ARHGAP15: variants seen among roughly 807,000 people sequenced by gnomAD.
ARHGAP15 encodes rho GTPase-activating protein 15.
In ARHGAP15, 51 loss-of-function variants were observed where a neutral mutation model predicts 63.7. The observed-to-expected ratio is 0.80, with a 90% CI of 0.64 to 1.01. The LOEUF (loss-of-function observed/expected upper bound fraction) is 1.01, where lower values mean the gene tolerates loss of function less well. ARHGAP15 is among the 50% of genes least tolerant of loss of function. The pLI, the probability that ARHGAP15 is intolerant of heterozygous loss-of-function variation, is 0.00. For missense variants in ARHGAP15, 560 were observed against 564.6 expected (o/e 0.99, Z 0.08); for synonymous variants, 191 against 193.8 (o/e 0.99, Z 0.12).
At chr2:143,636,223 AG>A (rs1680306780) in intron 12 of ARHGAP15, among the ~76,000 whole-genome samples, 1 of 152,174 alleles carries the variant, frequency 6.6e-6, no homozygotes, top group Admixed American at 6.5e-5. Flanking sequence ...AAGAGATGAA[AG>A]CAACAATCTT....
At chr2:143,166,109 T>C (rs771159538) in intron 2 of ARHGAP15, among the ~76,000 whole-genome samples, 15 of 152,202 alleles carry the variant, frequency 9.9e-5, no homozygotes, top group African/African-American at 1.9e-4. Flanking sequence ...TGAATTACCT[T>C]TGACTTTTAG....
intron 6 of ARHGAP15, among the ~76,000 whole-genome samples, chr2:143,316,536 CAT>C (rs978963236): frequency 2.1e-3 from 304 of 142,316 alleles, no homozygotes; most frequent in African/African-American, 6.7e-3. Flanking sequence ...ATATATATAA[CAT>C]ATATTAAAAT....
At chr2:143,205,526 T>C (rs906730661) in intron 3 of ARHGAP15, among the ~76,000 whole-genome samples, 2 of 152,156 alleles carry the variant, frequency 1.3e-5, no homozygotes, top group Admixed American at 6.6e-5. Flanking sequence ...ATTTGTTGAA[T>C]GAAGGCATAA....
At chr2:143,340,181 CTA>C (rs1684995649) in intron 6 of ARHGAP15, among the ~76,000 whole-genome samples, 1 of 152,112 alleles carries the variant, frequency 6.6e-6, no homozygotes, top group African/African-American at 2.4e-5. Flanking sequence ...TCTAGGCTTT[CTA>C]TACTTTTATT....
intron 12 of ARHGAP15, among the ~76,000 whole-genome samples, chr2:143,666,488 C>T (rs980211821): frequency 2.7e-5 from 4 of 149,788 alleles, no homozygotes; most frequent in East Asian, 1.9e-4. Flanking sequence ...CTAGGCATTA[C>T]CATTCAGGAC....
At chr2:143,153,839 CTTCT>C (rs1558779587) in intron 1 of ARHGAP15, among the ~76,000 whole-genome samples, 173 of 76,334 alleles carry the variant, frequency 2.3e-3, no homozygotes, top group African/African-American at 6.8e-3. Flanking sequence ...TCTTCTTCTT[CTTCT>C]TCCTCCTCCT....
intron 2 of ARHGAP15, among the ~76,000 whole-genome samples, chr2:143,161,750 G>A (rs1000217764): frequency 6.6e-6 from 1 of 151,966 alleles, no homozygotes. Flanking sequence ...CTAGAACGGA[G>A]CAAGAAGCTG....
chr2:143,229,494 G>A (rs1363155890), intron 5 of ARHGAP15, among the ~76,000 whole-genome samples: 4 of 152,150 alleles, frequency 2.6e-5, no homozygotes, highest in Non-Finnish European at 5.9e-5. Context: ...GGCAATTCAA[G>A]CTCAAAACCT....
chr2:143,564,895 G>A (rs145103640), intron 11 of ARHGAP15, among the ~76,000 whole-genome samples: 27 of 152,204 alleles, frequency 1.8e-4, no homozygotes, highest in Admixed American at 8.5e-4. Flanking sequence ...ATTTGCTAAC[G>A]AAACTAAGGG....
At chr2:143,708,949 A>T in intron 13 of ARHGAP15, among the ~76,000 whole-genome samples, 1 of 152,276 alleles carries the variant, frequency 6.6e-6, no homozygotes, top group East Asian at 1.9e-4. Flanking sequence ...CTAGAATCTT[A>T]TCAACTACAT....
chr2:143,572,902 A>G (rs1322822378), intron 11 of ARHGAP15, among the ~76,000 whole-genome samples: 1 of 152,206 alleles, frequency 6.6e-6, no homozygotes, highest in African/African-American at 2.4e-5. Context: ...AAGCACTTTA[A>G]AAGTGGTAAA....
chr2:143,174,794 T>C (rs995955971), intron 2 of ARHGAP15, among the ~76,000 whole-genome samples: 1 of 152,170 alleles, frequency 6.6e-6, no homozygotes, highest in Admixed American at 6.6e-5. Context: ...GGTTCTTTCA[T>C]ATTCACATTT....
At chr2:143,660,263 T>G (rs921981887) in intron 12 of ARHGAP15, among the ~76,000 whole-genome samples, 2 of 152,218 alleles carry the variant, frequency 1.3e-5, no homozygotes, top group African/African-American at 4.8e-5. Context: ...TTCTGTATAA[T>G]TCTTCAACTG....
At chr2:143,541,374 A>G (rs575334760) in intron 10 of ARHGAP15, among the ~76,000 whole-genome samples, 2 of 151,952 alleles carry the variant, frequency 1.3e-5, no homozygotes, top group African/African-American at 2.4e-5. Context: ...TCTTCTCTCA[A>G]CTCGTCAAAG....
intron 6 of ARHGAP15, among the ~76,000 whole-genome samples, chr2:143,424,874 G>C (rs1001222435): frequency 1.3e-5 from 2 of 151,998 alleles, no homozygotes; most frequent in Admixed American, 6.6e-5. Flanking sequence ...CTTAGAATTG[G>C]ACCAATGACA....
At chr2:143,497,895 G>A (rs936024799) in intron 9 of ARHGAP15, among the ~76,000 whole-genome samples, 1 of 152,168 alleles carries the variant, frequency 6.6e-6, no homozygotes, top group African/African-American at 2.4e-5. Context: ...AGTTCACATG[G>A]TGTGTATGTT....
At chr2:143,332,423 T>G (rs920943194) in intron 6 of ARHGAP15, among the ~76,000 whole-genome samples, 1 of 152,144 alleles carries the variant, frequency 6.6e-6, no homozygotes, top group Non-Finnish European at 1.5e-5. Flanking sequence ...TATTTTTCAG[T>G]TGAGATCTTT....
rs1266844692 is a variant in ARHGAP15, at chr2:143,546,929, A to G, written c.926-9479A>G. ...CTTCAAGACTAAGATTTTTTTAAAA[A>G]AAAGAAGATGTAAGATTTGTCAATG... On this transcript the variant is annotated intron_variant, in intron 10 of 13. Transcript: ENST00000295095. Among the ~76,000 whole-genome samples the G allele has an allele frequency of 3.3e-5, 5 of 152,244 alleles. No individual in the cohort carries two copies. In the East Asian group the frequency reaches 7.7e-4, roughly 24 times the overall value.
chr2:143,648,210 C>T (rs913882164), intron 12 of ARHGAP15, among the ~76,000 whole-genome samples: 12 of 152,042 alleles, frequency 7.9e-5, no homozygotes, highest in African/African-American at 2.7e-4. Flanking sequence ...ATAATTTAAA[C>T]TTTAGCCTTC....
Sources: allele counts gnomAD v4.1 joint callset (sites outside exome capture counted in the v4.1 genomes callset), GRCh38; gene constraint gnomAD v4.1.1; transcripts MANE v1.5; gene names NCBI Gene and HGNC (gene_info 2026-07-23, HGNC 2026-07-21).